The following RIMBP2 variants were observed in gnomAD, a reference collection of about 807,000 sequenced individuals.
The protein encoded by RIMBP2 is RIMS binding protein 2, also known as RIMS-binding protein 2.
RIMBP2 carries 48 observed loss-of-function variants against 118.6 expected under a neutral mutation model. The ratio of observed to expected loss-of-function variants is 0.40; its 90% confidence interval spans 0.32 to 0.51. The LOEUF (loss-of-function observed/expected upper bound fraction) is 0.51, where lower values mean the gene tolerates loss of function less well. RIMBP2 is among the 20% of genes least tolerant of loss of function. The pLI, the probability that RIMBP2 is intolerant of heterozygous loss-of-function variation, is 0.41. For missense variants in RIMBP2, 1,551 were observed against 1,768.3 expected (o/e 0.88, Z 2.20); for synonymous variants, 762 against 742.9 (o/e 1.03, Z -0.42).
chr12:130,477,321 C>G (rs1479498195), intron 5 of RIMBP2, among the ~76,000 whole-genome samples: 1 of 151,890 alleles, frequency 6.6e-6, no homozygotes, highest in African/African-American at 2.4e-5. Flanking sequence ...ATCCTTTCCC[C>G]TTCCTGGACA....
chr12:130,453,882 C>T (rs150127334), intron 7 of RIMBP2, among the ~76,000 whole-genome samples: 2,023 of 152,144 alleles, frequency 0.013, 42 homozygotes, highest in African/African-American at 0.046. Flanking sequence ...GGTGAAACCC[C>T]ATCTCTACTA....
chr12:130,609,644 A>G (rs1334001819), intron 2 of RIMBP2, among the ~76,000 whole-genome samples: 1 of 131,218 alleles, frequency 7.6e-6, no homozygotes, highest in Non-Finnish European at 1.7e-5. Flanking sequence ...AGAGGCCAAT[A>G]AGTCCCATGA....
chr12:130,554,805 C>T (rs2056186304), intron 2 of RIMBP2, among the ~76,000 whole-genome samples: 1 of 152,062 alleles, frequency 6.6e-6, no homozygotes. Context: ...TATTTGAATT[C>T]ACTTATGTGC....
chr12:130,491,014 G>C (rs1015120316), intron 4 of RIMBP2, among the ~76,000 whole-genome samples: 1 of 152,172 alleles, frequency 6.6e-6, no homozygotes, highest in African/African-American at 2.4e-5. Flanking sequence ...ACCTACAAAT[G>C]GTGGGAAAAT....
intron 2 of RIMBP2, among the ~76,000 whole-genome samples, chr12:130,555,309 T>A (rs367893973): frequency 6.6e-6 from 1 of 152,052 alleles, no homozygotes; most frequent in South Asian, 2.1e-4. Context: ...ATAATAATAA[T>A]AAAAAGCCTT....
intron 19 of RIMBP2, among the ~76,000 whole-genome samples, chr12:130,408,665 G>A (rs774432559): frequency 1.3e-5 from 2 of 152,202 alleles, no homozygotes; most frequent in Admixed American, 6.5e-5. Flanking sequence ...GCCCAATCAC[G>A]AAACCCCTGT....
intron 9 of RIMBP2, among the ~76,000 whole-genome samples, chr12:130,448,097 TG>T (rs763245374): frequency 1.3e-5 from 2 of 150,000 alleles, no homozygotes; most frequent in African/African-American, 2.5e-5. Context: ...CAATTTGACT[TG>T]GTTTGAGAGA....
intron 1 of RIMBP2, among the ~76,000 whole-genome samples, chr12:130,641,643 C>T (rs1439287014): frequency 2.0e-5 from 3 of 152,210 alleles, no homozygotes; most frequent in South Asian, 2.1e-4. Flanking sequence ...AATTAACTGC[C>T]GTGCAAAACA....
chr12:130,667,757 C>G (rs1241640179), intron 1 of RIMBP2: 1 of 152,232 alleles, frequency 6.6e-6, no homozygotes, highest in Non-Finnish European at 1.5e-5. Flanking sequence ...GTTTGATCAC[C>G]TGGCAATGAC....
intron 3 of RIMBP2, among the ~76,000 whole-genome samples, chr12:130,509,787 T>C (rs1005170398): frequency 1.3e-5 from 2 of 151,492 alleles, no homozygotes; most frequent in African/African-American, 4.9e-5. Context: ...TAAACTCTGC[T>C]CCATCCTCCA....
chr12:130,706,409 G>A (rs1010733378), intron 1 of RIMBP2, among the ~76,000 whole-genome samples: 6 of 152,260 alleles, frequency 3.9e-5, no homozygotes, highest in African/African-American at 7.2e-5. Flanking sequence ...CACACAGCCG[G>A]AAGTAGCAGA....
Position 130,664,443 on chromosome 12 carries a change from A to ACACACGCACG in RIMBP2, c.-351-35988_-351-35987insCGTGCGTGTG, listed in dbSNP as rs1555320922. 1.1e-3 allele frequency among the ~76,000 whole-genome samples: 73 copies of ACACACGCACG among 64,652 alleles called. 2 individuals carry two copies. Among genetic ancestry groups the ACACACGCACG allele is most frequent in the South Asian group, 9.3e-3 (19 of 2,040 alleles). 42.4% of individuals were successfully genotyped at this position (64,652 alleles called of 152,430 possible). On this transcript the variant is annotated intron_variant, in intron 1 of 22. Coordinates refer to ENST00000690449, the MANE Select transcript of RIMBP2 (RefSeq NM_001393629.1). Reference sequence around the variant, plus strand: ...CACGCACACACATGCATGCACGCACACACGCACACACATGCACGCACACAC... The same window carrying ACACACGCACG: ...CACGCACACACATGCATGCACGCACACACACGCACGCACGCACACACATGCACGCACACAC...
chr12:130,650,958 T>TAAA (rs397700189), intron 1 of RIMBP2, among the ~76,000 whole-genome samples: 23 of 125,624 alleles, frequency 1.8e-4, no homozygotes, highest in Non-Finnish European at 2.7e-4. Flanking sequence ...TTGTTTTTTT[T>TAAA]AAAAAAAAAA....
chr12:130,558,199 G>A (rs1382235041), intron 2 of RIMBP2, among the ~76,000 whole-genome samples: 32 of 152,006 alleles, frequency 2.1e-4, no homozygotes, highest in Admixed American at 2.0e-3. Flanking sequence ...CATTCTTGCC[G>A]GTTTTTTTAG....
At chr12:130,438,336 C>T in intron 12 of RIMBP2, 29 bp downstream of exon 12, 10 of 844,134 alleles carry the variant, frequency 1.2e-5, no homozygotes, top group Non-Finnish European at 2.0e-5. Context: ...GCCTAACAAA[C>T]CCTCCCCACC....
Position 130,688,962 on chromosome 12 carries a change from G to C in RIMBP2, c.-352+27260C>G, listed in dbSNP as rs1430228257. On this transcript the variant is annotated intron_variant, in intron 1 of 22. Coordinates refer to ENST00000690449, the MANE Select transcript of RIMBP2 (RefSeq NM_001393629.1). The surrounding 1 kb of genome is among the most constrained non-coding windows in gnomAD (Gnocchi z 4.7). ...GGCAGCAGAGAACTGCCCAGTGTGC[G>C]CCGATATCCTCTGTCCCTTTTCATT... 6.6e-6 allele frequency among the ~76,000 whole-genome samples: 1 copy of C among 152,232 alleles called. No individual in the cohort carries two copies. Among genetic ancestry groups the C allele is most frequent in the Non-Finnish European group, 1.5e-5 (1 of 68,042 alleles).
intron 4 of RIMBP2, among the ~76,000 whole-genome samples, chr12:130,489,656 G>A (rs2048440874): frequency 6.6e-6 from 1 of 152,110 alleles, no homozygotes; most frequent in African/African-American, 2.4e-5. Context: ...AGCCTTAGAG[G>A]TGATGCCAGG....
chr12:130,455,368 G>A (rs56890539), intron 7 of RIMBP2, among the ~76,000 whole-genome samples: 1,980 of 152,162 alleles, frequency 0.013, 33 homozygotes, highest in African/African-American at 0.044. Flanking sequence ...CCCACGTATC[G>A]TCTGCCCGCC....
At chr12:130,561,765 C>T (rs530154297) in intron 2 of RIMBP2, among the ~76,000 whole-genome samples, 1 of 152,244 alleles carries the variant, frequency 6.6e-6, no homozygotes, top group South Asian at 2.1e-4. Context: ...GCCATCCTAG[C>T]AAGGATGGCT....
Sources: allele counts gnomAD v4.1 joint callset (sites outside exome capture counted in the v4.1 genomes callset), GRCh38; gene constraint gnomAD v4.1.1; non-coding constraint Gnocchi (gnomAD v3.1); transcripts MANE v1.5; gene names NCBI Gene and HGNC (gene_info 2026-07-23, HGNC 2026-07-21).